The following SLC24A2 variants were observed in gnomAD, a reference collection of about 807,000 sequenced individuals.
The protein encoded by SLC24A2 is sodium/potassium/calcium exchanger 2.
In SLC24A2, 36 loss-of-function variants were observed where a neutral mutation model predicts 62.0. The ratio of observed to expected loss-of-function variants is 0.58; its 90% CI spans 0.44 to 0.77. SLC24A2 has a LOEUF of 0.77. SLC24A2 is among the 30% of genes least tolerant of loss of function. The probability of loss-of-function intolerance (pLI) is 0.00; values close to 1 mark genes in which losing one functional copy is unlikely to be tolerated. For missense variants in SLC24A2, 846 were observed against 817.9 expected (o/e 1.03, Z -0.42); for synonymous variants, 358 against 294.0 (o/e 1.22, Z -2.23).
intron 7 of SLC24A2, among the ~76,000 whole-genome samples, chr9:19,567,869 A>C (rs1835721416): frequency 6.6e-6 from 1 of 152,128 alleles, no homozygotes; most frequent in Non-Finnish European, 1.5e-5. Context: ...ATGAAGCAAA[A>C]ACTTCATTCC....
the SLC24A2 span, among the ~76,000 whole-genome samples, chr9:20,275,625 C>T: frequency 6.6e-6 from 1 of 152,168 alleles, no homozygotes; most frequent in African/African-American, 2.4e-5. Context: ...TCTCATTTTA[C>T]TCCAATGATA....
chr9:19,566,554 C>G (rs185073066), intron 7 of SLC24A2, among the ~76,000 whole-genome samples: 3 of 151,670 alleles, frequency 2.0e-5, no homozygotes, highest in South Asian at 2.1e-4. Flanking sequence ...GACAGTGTGG[C>G]GATTCCTCAA....
chr9:19,666,255 A>T (rs971602248), intron 2 of SLC24A2, among the ~76,000 whole-genome samples: 1 of 152,048 alleles, frequency 6.6e-6, no homozygotes, highest in African/African-American at 2.4e-5. Flanking sequence ...AAAATACAAA[A>T]ATTAGCCAGG....
the SLC24A2 span, among the ~76,000 whole-genome samples, chr9:19,921,253 G>T: frequency 1.3e-5 from 2 of 152,036 alleles, no homozygotes; most frequent in Non-Finnish European, 2.9e-5. Context: ...GCCGGGCATG[G>T]TGGCTCACAC....
chr9:20,221,936 A>T, the SLC24A2 span, among the ~76,000 whole-genome samples: 1 of 152,220 alleles, frequency 6.6e-6, no homozygotes, highest in South Asian at 2.1e-4. Context: ...CAATTAGAAG[A>T]AAAGTGAACC....
the SLC24A2 span, among the ~76,000 whole-genome samples, chr9:20,130,468 G>C: frequency 6.6e-6 from 1 of 151,944 alleles, no homozygotes; most frequent in Non-Finnish European, 1.5e-5. Flanking sequence ...CAGGGGAAGA[G>C]TCTTCCAGGC....
intron 2 of SLC24A2, among the ~76,000 whole-genome samples, chr9:19,735,549 C>T (rs1342661983): frequency 6.6e-6 from 1 of 152,154 alleles, no homozygotes; most frequent in Non-Finnish European, 1.5e-5. Context: ...TGTAAAGACA[C>T]ATGCACATGT....
At chr9:19,566,083 A>G (rs2132822225) in intron 7 of SLC24A2, among the ~76,000 whole-genome samples, 1 of 152,318 alleles carries the variant, frequency 6.6e-6, no homozygotes, top group East Asian at 1.9e-4. Flanking sequence ...AAACACCAAA[A>G]GCAATGGCAA....
At chr9:19,790,002 G>T (rs34174788), upstream of SLC24A2, among the ~76,000 whole-genome samples, 40,788 of 151,744 alleles carry the variant, frequency 0.27, 5,956 homozygotes, top group East Asian at 0.4. Flanking sequence ...CAGACCTCTG[G>T]GCCTACTCAT....
the SLC24A2 span, among the ~76,000 whole-genome samples, chr9:20,106,901 G>C: frequency 6.6e-6 from 1 of 152,184 alleles, no homozygotes; most frequent in Admixed American, 6.5e-5. Flanking sequence ...AAAAGAGGAA[G>C]TCAAATTGTC....
chr9:19,742,662 C>T (rs1245764714), intron 2 of SLC24A2, among the ~76,000 whole-genome samples: 2 of 152,142 alleles, frequency 1.3e-5, no homozygotes, highest in Non-Finnish European at 2.9e-5. Context: ...GATTCAGGGC[C>T]TGGCCCTCCT....
At chr9:19,529,861 T>C (rs1833618461) in intron 8 of SLC24A2, among the ~76,000 whole-genome samples, 1 of 150,492 alleles carries the variant, frequency 6.6e-6, no homozygotes, top group South Asian at 2.2e-4. Flanking sequence ...GCAATTCTCC[T>C]GCCTCAGCCT....
the SLC24A2 span, among the ~76,000 whole-genome samples, chr9:20,131,154 T>C: frequency 3.9e-5 from 6 of 152,068 alleles, no homozygotes; most frequent in African/African-American, 1.4e-4. Context: ...AAAGAAGCAA[T>C]ACGCGCCCTG....
the SLC24A2 span, among the ~76,000 whole-genome samples, chr9:20,263,774 G>A: frequency 1.3e-5 from 2 of 150,398 alleles, no homozygotes; most frequent in African/African-American, 4.9e-5. Context: ...TGGTGCCACT[G>A]GGACAAAGCC....
At chr9:19,549,116 C>A (rs1432455059) in intron 8 of SLC24A2, among the ~76,000 whole-genome samples, 1 of 152,032 alleles carries the variant, frequency 6.6e-6, no homozygotes, top group Admixed American at 6.6e-5. Flanking sequence ...TTCGGAGCAC[C>A]CAGTATGTGA....
At chr9:20,113,883 A>G in the SLC24A2 span, among the ~76,000 whole-genome samples, 3 of 152,324 alleles carry the variant, frequency 2.0e-5, no homozygotes, top group East Asian at 5.8e-4. Flanking sequence ...GCAATCAGAA[A>G]AAAATATAAA....
chr9:19,834,174 C>G, the SLC24A2 span, among the ~76,000 whole-genome samples: 2 of 152,130 alleles, frequency 1.3e-5, no homozygotes, highest in Non-Finnish European at 2.9e-5. Context: ...AGCGCCTCTC[C>G]TCCTCCAAAG....
intron 2 of SLC24A2, among the ~76,000 whole-genome samples, chr9:19,687,962 T>A (rs529824902): frequency 6.6e-6 from 1 of 152,194 alleles, no homozygotes; most frequent in African/African-American, 2.4e-5. Flanking sequence ...GCATAAACAC[T>A]CTGTACTTTC....
chr9:19,931,650 G>T, the SLC24A2 span, among the ~76,000 whole-genome samples: 2 of 151,956 alleles, frequency 1.3e-5, no homozygotes, highest in Non-Finnish European at 2.9e-5. Context: ...TTCAAATTAG[G>T]GTGACTAAAC....
Sources: gnomAD v4.1 joint callset for allele counts (sites outside exome capture counted in the v4.1 genomes callset) on GRCh38, gnomAD v4.1.1 for gene constraint, MANE v1.5 for transcripts, NCBI Gene and HGNC (gene_info 2026-07-23, HGNC 2026-07-21) for gene names.